Variants in RTN4RL1 observed in about 807,000 individuals in gnomAD.
RTN4RL1 encodes reticulon 4 receptor like 1, also known as reticulon-4 receptor-like 1.
RTN4RL1 carries 7 observed loss-of-function variants against 25.6 expected under a neutral mutation model. The ratio of observed to expected loss-of-function variants is 0.27; its 90% confidence interval spans 0.16 to 0.51. The LOEUF (loss-of-function observed/expected upper bound fraction) is 0.51, where lower values mean the gene tolerates loss of function less well. Ranked by LOEUF, RTN4RL1 falls within the 20% of genes least tolerant of loss-of-function variation. The probability of loss-of-function intolerance (pLI) is 0.97; values close to 1 mark genes in which losing one functional copy is unlikely to be tolerated. For synonymous variants in RTN4RL1, 297 were observed against 288.2 expected, an observed-to-expected ratio of 1.03 and a Z score of -0.31; for missense variants, 500 against 615.6, an observed-to-expected ratio of 0.81 and a Z score of 1.99.
At chr17:2,011,925 T>G (rs2067054825) in intron 1 of RTN4RL1, among the ~76,000 whole-genome samples, 1 of 152,086 alleles carries the variant, frequency 6.6e-6, no homozygotes, top group African/African-American at 2.4e-5. Context: ...CCTCCTCGCT[T>G]GGGGAGATTC....
At chr17:1,993,326 A>T (rs989691796) in intron 1 of RTN4RL1, among the ~76,000 whole-genome samples, 1 of 152,232 alleles carries the variant, frequency 6.6e-6, no homozygotes, top group Non-Finnish European at 1.5e-5. Flanking sequence ...CACCCAAAAA[A>T]GAATTAGAAG....
At chr17:2,001,604 CTG>C (rs1420804867) in intron 1 of RTN4RL1, 1 of 152,264 alleles carries the variant, frequency 6.6e-6, no homozygotes, top group East Asian at 1.9e-4. Context: ...GATGAAGAAA[CTG>C]AGACTCAAGT....
intron 1 of RTN4RL1, among the ~76,000 whole-genome samples, chr17:2,007,096 T>C (rs113249226): frequency 0.011 from 1,613 of 152,146 alleles, 34 homozygotes; most frequent in African/African-American, 0.037. Context: ...GAGCTTCAAT[T>C]TTCTCAGCTA....
Position 1,999,680 on chromosome 17 carries a change from C to CCCA in RTN4RL1, c.13+25172_13+25173insTGG, listed in dbSNP as rs1555520518. 1.6e-4 allele frequency among the ~76,000 whole-genome samples: 25 copies of CCCA among 151,598 alleles called. 1 individual carries two copies. The highest frequency in any genetic ancestry group is 1.6e-3 in the East Asian group (8 of 5,122). On this transcript the variant is annotated intron_variant, in intron 1 of 1. Transcript: ENST00000331238. ...TGCCCACTCCCTATACATGCCCCCC[C>CCCA]CACACACACACGCACAGGCACACAC... is the stretch of plus-strand genomic sequence containing the variant.
intron 1 of RTN4RL1, among the ~76,000 whole-genome samples, chr17:2,018,532 G>A (rs949650043): frequency 6.6e-6 from 1 of 152,232 alleles, no homozygotes; most frequent in Non-Finnish European, 1.5e-5. Context: ...CGAGAAGCCA[G>A]AAATGAATCA....
intron 1 of RTN4RL1, 150 bp from the exon 2 acceptor site, chr17:1,937,958 C>T (rs371475106): frequency 2.8e-6 from 2 of 713,946 alleles, no homozygotes; most frequent in Non-Finnish European, 4.5e-6. Flanking sequence ...GGGTCAAGGC[C>T]CAAGCCTGGA....
At chr17:1,953,784 C>T (rs973620625) in intron 1 of RTN4RL1, among the ~76,000 whole-genome samples, 6 of 152,222 alleles carry the variant, frequency 3.9e-5, no homozygotes, top group African/African-American at 7.2e-5. Context: ...AGGCTGGTCT[C>T]GAACTCCTGA....
rs956025994 is a variant in RTN4RL1, at chr17:1,935,443, T to A, written c.*1053A>T. ...AAAACAAGGTGATGCTCTAAATATC[T>A]AAGAATATTGGTCCCCCAAAGTGAC... On this transcript the variant is annotated 3_prime_UTR_variant, in exon 2 of 2. Transcript: ENST00000331238. 3.5e-6 allele frequency: 2 copies of A among 579,084 alleles called. No individual in the cohort carries two copies. Among genetic ancestry groups the A allele is most frequent in the Non-Finnish European group, 4.4e-6 (2 of 458,508 alleles). 35.9% of individuals were successfully genotyped at this position (579,084 alleles called of 1,614,324 possible). A position where few individuals can be genotyped will look rare whatever the true frequency, so the allele number is the denominator to read the frequency against.
rs537778093 is a variant in RTN4RL1, at chr17:1,939,101, T to C, written c.14-1293A>G. On this transcript the variant is annotated intron_variant, in intron 1 of 1. Coordinates refer to ENST00000331238, the MANE Select transcript of RTN4RL1 (RefSeq NM_178568.4). Reference sequence around the variant, plus strand: ...GGAGCAGTGGCTCACACCTGTAGTCTCAGCACTTTGGGAGGCCGAGGCGGG... The same window carrying C: ...GGAGCAGTGGCTCACACCTGTAGTCCCAGCACTTTGGGAGGCCGAGGCGGG... Among the ~76,000 whole-genome samples, 238 of 150,278 alleles carry C rather than the reference T, an allele frequency of 1.6e-3. 2 individuals are homozygous for C. In the South Asian group the frequency reaches 0.028, roughly 17 times the overall value.
chr17:1,966,835 T>C (rs1213713277), intron 1 of RTN4RL1, among the ~76,000 whole-genome samples: 2 of 152,006 alleles, frequency 1.3e-5, no homozygotes, highest in Admixed American at 1.3e-4. Flanking sequence ...CCAAAGCTCT[T>C]CTCCACTGAG....
In RTN4RL1 at chr17:1,938,013, T is replaced by G. The variant is rs372003561; in HGVS notation, c.14-205A>C. On this transcript the variant is annotated intron_variant, in intron 1 of 1. Transcript: ENST00000331238. ...CCTCCCCTCCTTGGTGACCCACTTC[T>G]GCTGGGCTGGGAGGTGAGTCTGGGG... 2.9e-3 allele frequency among the ~76,000 whole-genome samples: 449 copies of G among 152,344 alleles called. 2 individuals are homozygous for G. The highest frequency in any genetic ancestry group is 0.01 in the African/African-American group (434 of 41,594).
At chr17:1,954,397 T>TTG (rs1391096705) in intron 1 of RTN4RL1, among the ~76,000 whole-genome samples, 33 of 148,392 alleles carry the variant, frequency 2.2e-4, no homozygotes, top group Middle Eastern at 3.4e-3. Flanking sequence ...TTTTTTTTTT[T>TTG]TTTTTTTTGA....
rs115769676 is a variant in RTN4RL1 at position 1,942,184 on chromosome 17, C to T, written c.14-4376G>A. The stretch of plus-strand genomic sequence containing the variant: ...CCCTGGGGGAGTCCCCCTGCTCCTC[C>T]TCTCCTCCAGGGGCACGTGCTCGGC... On this transcript the variant is annotated intron_variant, in intron 1 of 1. Transcript: ENST00000331238. 8.5e-3 allele frequency among the ~76,000 whole-genome samples: 1,296 copies of T among 152,318 alleles called. 62 individuals are homozygous for T. Among genetic ancestry groups the T allele is most frequent in the Admixed American group, 0.072 (1,103 of 15,310 alleles).
intron 1 of RTN4RL1, among the ~76,000 whole-genome samples, chr17:1,962,469 C>G (rs2066769183): frequency 6.6e-6 from 1 of 151,922 alleles, no homozygotes; most frequent in Non-Finnish European, 1.5e-5. Context: ...GTGATTCTCC[C>G]TGCCTCAGCC....
chr17:1,937,016 C>T lies in RTN4RL1; in HGVS notation c.806G>A (p.Trp269Ter). ...GCTGGAGCCCCGGAACCTCTGCAGC[C>T]ATTCCCACAGGGAGCGCGCGCGACA... ...CGCRARSLWE[W>*]LQRFRGSSSA... The change falls in exon 2 of 2, where the codon TGG becomes TAG. Residue 269 changes from tryptophan (W) to a stop codon, truncating the protein, a stop_gained. Transcript: ENST00000331238. LOFTEE classifies it high-confidence loss of function. 1 of 1,605,098 alleles carries T rather than the reference C, an allele frequency of 6.2e-7. No homozygotes were observed. The highest frequency in any genetic ancestry group is 2.2e-5 in the East Asian group (1 of 44,680).
At chr17:1,992,316 G>A (rs1197684752) in intron 1 of RTN4RL1, among the ~76,000 whole-genome samples, 2 of 143,890 alleles carry the variant, frequency 1.4e-5, no homozygotes. Context: ...CCAAGATCGC[G>A]CCACTGCACT....
chr17:2,016,554 C>T (rs2067126325), intron 1 of RTN4RL1, among the ~76,000 whole-genome samples: 1 of 152,188 alleles, frequency 6.6e-6, no homozygotes, highest in African/African-American at 2.4e-5. Context: ...CTTTCCACAG[C>T]CCCACAGTTC....
chr17:1,954,483 G>A (rs904054469), intron 1 of RTN4RL1, among the ~76,000 whole-genome samples: 4 of 150,728 alleles, frequency 2.7e-5, no homozygotes, highest in South Asian at 2.1e-4. Flanking sequence ...CCGCCTCCTG[G>A]GTTCAAGTCA....
At chr17:1,942,012 A>G (rs946588952) in intron 1 of RTN4RL1, among the ~76,000 whole-genome samples, 1 of 152,144 alleles carries the variant, frequency 6.6e-6, no homozygotes, top group Non-Finnish European at 1.5e-5. Context: ...TAAGATTGCA[A>G]ATTAGCAGGG....
Sources: allele counts gnomAD v4.1 joint callset (sites outside exome capture counted in the v4.1 genomes callset), GRCh38; gene constraint gnomAD v4.1.1; transcripts MANE v1.5; gene names NCBI Gene and HGNC (gene_info 2026-07-23, HGNC 2026-07-21).